MORN3: variants seen among roughly 807,000 people sequenced by gnomAD.
MORN3 encodes the protein MORN repeat-containing protein 3.
In MORN3, 38 loss-of-function variants were observed where a neutral mutation model predicts 34.7. That is an observed-to-expected ratio of 1.10 (90% CI 0.85 to 1.44). The LOEUF is 1.44. Ranked by LOEUF, MORN3 falls within the 40% of genes most tolerant of loss-of-function variation. MORN3 has a pLI of 0.00. For synonymous variants in MORN3, 109 were observed against 115.3 expected, an observed-to-expected ratio of 0.95 and a Z score of 0.35; for missense variants, 311 against 321.7, an observed-to-expected ratio of 0.97 and a Z score of 0.25.
Position 121,669,575 on chromosome 12 carries a change from T to C in MORN3, c.-92A>G. 6.5e-7 allele frequency: 1 copy of C among 1,543,800 alleles called. No individual in the cohort carries two copies. Among genetic ancestry groups the C allele is most frequent in the Non-Finnish European group, 8.8e-7 (1 of 1,132,656 alleles). ...CCCGTGTAATGCCGGGATCCTGAGCTCAAGTGGGGAGAGTCATGTGTGTTC... is the reference window on the plus strand; with the variant it reads ...CCCGTGTAATGCCGGGATCCTGAGCCCAAGTGGGGAGAGTCATGTGTGTTC... On this transcript the variant is annotated 5_prime_UTR_variant, in exon 1 of 6. The change abolishes the stop of an existing upstream ORF in the 5' untranslated region. Coordinates refer to ENST00000355329, the MANE Select transcript of MORN3 (RefSeq NM_173855.5).
rs191118790 is a variant in MORN3 at position 121,668,122 on chromosome 12, G to A, written c.145+1217C>T. ...TGACCTCAGGTGATCTGCCTGCCTC[G>A]GCCTCCCAAAGTGCTGGGATTACAG... is the stretch of plus-strand genomic sequence containing the variant. On this transcript the variant is annotated intron_variant, in intron 1 of 5. Coordinates refer to ENST00000355329, the MANE Select transcript of MORN3 (RefSeq NM_173855.5). Among the ~76,000 whole-genome samples the A allele has an allele frequency of 5.4e-3, 815 of 151,522 alleles. 13 individuals carry two copies. The highest frequency in any genetic ancestry group is 0.018 in the African/African-American group (741 of 41,360).
upstream of MORN3, among the ~76,000 whole-genome samples, chr12:121,670,065 G>C (rs531085915): frequency 2.0e-4 from 30 of 151,758 alleles, no homozygotes; most frequent in East Asian, 5.4e-3. Context: ...GTAGAGACGG[G>C]GGTTTCACCA....
At chr12:121,655,141 A>T (rs1355195365) in intron 2 of MORN3, among the ~76,000 whole-genome samples, 1 of 151,496 alleles carries the variant, frequency 6.6e-6, no homozygotes, top group Non-Finnish European at 1.5e-5. Context: ...TGAGGTCAGG[A>T]GTTTGAGACC....
chr12:121,652,482 C>T (rs539014620), intron 5 of MORN3, among the ~76,000 whole-genome samples: 109 of 152,312 alleles, frequency 7.2e-4, no homozygotes, highest in African/African-American at 2.5e-3. Flanking sequence ...TATCCGCCTG[C>T]CTTGGCCTCC....
upstream of MORN3, among the ~76,000 whole-genome samples, chr12:121,669,877 T>G (rs1242729749): frequency 4.0e-5 from 6 of 148,378 alleles, no homozygotes; most frequent in Non-Finnish European, 7.4e-5. Context: ...ATTTATGTAT[T>G]TATTTATTTA....
intron 1 of MORN3, among the ~76,000 whole-genome samples, chr12:121,667,615 T>C (rs1418644306): frequency 1.3e-5 from 2 of 152,134 alleles, no homozygotes; most frequent in Admixed American, 6.6e-5. Context: ...TCCTCCTGGC[T>C]GTTCCTTGAA....
upstream of MORN3, among the ~76,000 whole-genome samples, chr12:121,671,129 T>G (rs1302043700): frequency 8.6e-6 from 1 of 115,818 alleles, no homozygotes; most frequent in East Asian, 2.8e-4. Context: ...AAAAAAAGAC[T>G]GGGCGCGGTG....
intron 2 of MORN3, among the ~76,000 whole-genome samples, chr12:121,655,890 G>A (rs1378685155): frequency 2.0e-5 from 3 of 152,012 alleles, no homozygotes; most frequent in Non-Finnish European, 4.4e-5. Flanking sequence ...AATTAGCTGG[G>A]TGTGGTGGTG....
chr12:121,651,401 T>A lies in MORN3; in HGVS notation c.*250A>T, dbSNP rs1395143670. 1.3e-5 allele frequency: 2 copies of A among 152,222 alleles called. No individual in the cohort carries two copies. Among genetic ancestry groups the A allele is most frequent in the Non-Finnish European group, 2.9e-5 (2 of 68,060 alleles). The allele number at this position is 152,222 out of a possible 1,614,324, so 9.4% of individuals were successfully genotyped here. ...TAGGCCCAGGCTTATACCACTTGGT[T>A]ATTCTTTATTCTCATGCATTCCAGG... On this transcript the variant is annotated 3_prime_UTR_variant, in exon 6 of 6. Coordinates refer to ENST00000355329, the MANE Select transcript of MORN3 (RefSeq NM_173855.5).
At position 121,653,138 on chromosome 12, in the gene MORN3, G is replaced by T. The variant is rs200657457; in HGVS notation, c.585C>A (p.Cys195Ter). 8.1e-6 allele frequency: 13 copies of T among 1,614,000 alleles called. 1 individual carries two copies. In the Admixed American group the frequency reaches 1.0e-4, roughly 12 times the overall value. ...EGFWVDNMAK[C>*]GTMIDFGRDE... ...CACGGCCAAAGTCGATCATCGTCCCGCATTTGGCCATATTGTCCACCCAGA... is the reference window on the plus strand; with the variant it reads ...CACGGCCAAAGTCGATCATCGTCCCTCATTTGGCCATATTGTCCACCCAGA... The change falls in exon 4 of 6, where the codon TGC becomes TGA. Residue 195 changes from cysteine to a stop codon, truncating the protein, a stop_gained. Transcript: ENST00000355329. LOFTEE classifies it high-confidence loss of function.
chr12:121,656,838 T>G (rs1480879659), intron 2 of MORN3, among the ~76,000 whole-genome samples: 1 of 152,188 alleles, frequency 6.6e-6, no homozygotes, highest in East Asian at 1.9e-4. Context: ...CTGAATTCTC[T>G]AGGCTGGGCT....
In MORN3 at chr12:121,649,733, G is replaced by T. The variant is rs956986717; in HGVS notation, c.*1918C>A. The T allele has an allele frequency of 6.8e-6, 1 of 147,132 alleles. No individual in the cohort carries two copies. The highest frequency in any genetic ancestry group is 6.8e-5 in the Admixed American group (1 of 14,662). 9.1% of individuals were successfully genotyped at this position (147,132 alleles called of 1,614,324 possible). ...TTTTTTTTTTTTTTTTTTGGAGATG[G>T]TGTCTCGCTCTGTCGCCCAGGCTGG... On this transcript the variant is annotated 3_prime_UTR_variant, in exon 6 of 6. Coordinates refer to ENST00000355329, the MANE Select transcript of MORN3 (RefSeq NM_173855.5).
At chr12:121,670,144 G>A (rs543423128), upstream of MORN3, among the ~76,000 whole-genome samples, 140 of 151,844 alleles carry the variant, frequency 9.2e-4, no homozygotes, top group African/African-American at 3.2e-3. Flanking sequence ...CCAAGTGCTG[G>A]GATTACAGGC....
At chr12:121,655,034 A>C (rs1288113237) in intron 2 of MORN3, among the ~76,000 whole-genome samples, 3 of 152,066 alleles carry the variant, frequency 2.0e-5, no homozygotes, top group Non-Finnish European at 2.9e-5. Flanking sequence ...TGCGCCATGC[A>C]GCCCCTACAG....
chr12:121,659,524 CT>C (rs1372711632), intron 1 of MORN3, among the ~76,000 whole-genome samples, 176 bp from the exon 2 acceptor site: 15 of 149,174 alleles, frequency 1.0e-4, no homozygotes, highest in Non-Finnish European at 2.2e-4. Context: ...CCATTTCTTT[CT>C]TTCTTTCTTT....
chr12:121,652,602 C>G (rs1309207893), intron 5 of MORN3, 126 bp downstream of exon 5: 2 of 782,154 alleles, frequency 2.6e-6, no homozygotes, highest in African/African-American at 1.7e-5. Flanking sequence ...AGCCTGCCCT[C>G]GATGGTCTTG....
chr12:121,653,835 TATAAC>T (rs1485902718), intron 3 of MORN3, among the ~76,000 whole-genome samples: 1 of 152,216 alleles, frequency 6.6e-6, no homozygotes, highest in African/African-American at 2.4e-5. Context: ...TATAAGTTCA[TATAAC>T]ATAAGTTGGC....
Position 121,653,191 on chromosome 12 carries a change from G to T in MORN3, c.532C>A (p.Leu178Met). 6.2e-7 allele frequency: 1 copy of T among 1,614,232 alleles called. No individual in the cohort carries two copies. Among genetic ancestry groups the T allele is most frequent in the Non-Finnish European group, 8.5e-7 (1 of 1,180,040 alleles). ...MKNGAGRFFH[L>M]DHGQLFEGFW... ...CCTTCAAACAGCTGGCCGTGGTCCA[G>T]ATGGAAGAAACGCCCCGCCCCGTTC... The change falls in exon 4 of 6, where the codon CTG becomes ATG. Residue 178 changes from leucine to methionine, a missense_variant. Transcript: ENST00000355329.
intron 2 of MORN3, among the ~76,000 whole-genome samples, chr12:121,656,741 G>A (rs924921676): frequency 6.6e-5 from 10 of 151,862 alleles, no homozygotes. Flanking sequence ...GGCTAGTCTC[G>A]AACTCCTGAC....
Sources: allele counts gnomAD v4.1 joint callset (sites outside exome capture counted in the v4.1 genomes callset), GRCh38; gene constraint gnomAD v4.1.1; transcripts MANE v1.5; gene names NCBI Gene and HGNC (gene_info 2026-07-23, HGNC 2026-07-21).